Variants in GPR149 observed in about 807,000 individuals in gnomAD.
The protein encoded by GPR149 is G protein-coupled receptor 149.
Under a neutral mutation model 50.2 loss-of-function variants are expected in GPR149, and 50 were observed. That is an observed-to-expected ratio of 1.00 (90% CI 0.79 to 1.26). GPR149 has a LOEUF of 1.26. GPR149 is among the 50% of genes most tolerant of loss of function. The probability of loss-of-function intolerance (pLI) is 0.00; values close to 1 mark genes in which losing one functional copy is unlikely to be tolerated. For synonymous variants in GPR149, 405 were observed against 358.2 expected, an observed-to-expected ratio of 1.13 and a Z score of -1.48; for missense variants, 983 against 895.4, an observed-to-expected ratio of 1.10 and a Z score of -1.25.
intron 3 of GPR149, among the ~76,000 whole-genome samples, chr3:154,402,415 C>CAAATAAATAAATAAAT (rs34746134): frequency 0.088 from 12,426 of 140,726 alleles, 731 homozygotes; most frequent in South Asian, 0.18. Context: ...GACCCTGTCT[C>CAAATAAATAAATAAAT]AAATAAATAA....
At chr3:154,353,640 T>C in intron 3 of GPR149, 1 of 1,364,902 alleles carries the variant, frequency 7.3e-7, no homozygotes, top group South Asian at 1.2e-5. Flanking sequence ...AGTTTTATCT[T>C]TGAAGTCTTT....
intron 3 of GPR149, among the ~76,000 whole-genome samples, chr3:154,364,126 T>C (rs72998669): frequency 0.013 from 1,965 of 152,176 alleles, 44 homozygotes; most frequent in African/African-American, 0.045. Flanking sequence ...AGTGAAGAAG[T>C]GAAGCCACTG....
intron 3 of GPR149, among the ~76,000 whole-genome samples, chr3:154,413,860 T>A (rs1711910939): frequency 6.6e-6 from 1 of 151,670 alleles, no homozygotes; most frequent in Admixed American, 6.6e-5. Flanking sequence ...ACATGCATGT[T>A]TATCACAGCA....
chr3:154,340,731 T>C (rs1713771387), intron 3 of GPR149, among the ~76,000 whole-genome samples: 1 of 152,180 alleles, frequency 6.6e-6, no homozygotes, highest in Non-Finnish European at 1.5e-5. Context: ...GTTTTGTTTG[T>C]TTGTTTTTGA....
chr3:154,421,167 C>A lies in GPR149; in HGVS notation c.1495G>T (p.Asp499Tyr). The change falls in exon 3 of 4, where the codon GAT becomes TAT. Residue 499 changes from aspartate to tyrosine, a missense_variant. By Grantham distance (160) the Asp-to-Tyr change is radical (BLOSUM62 -3). Transcript: ENST00000389740. Reference sequence around the variant, plus strand: ...AAGGTAGTTTCTTCATAGTTAATATCACCTCCTGTTTTGTCAGAAAACGCA... The same window carrying A: ...AAGGTAGTTTCTTCATAGTTAATATAACCTCCTGTTTTGTCAGAAAACGCA... ...KDAFSDKTGGDINYEETTFSE... is the reference protein window; with the variant it reads ...KDAFSDKTGGYINYEETTFSE... The A allele has an allele frequency of 6.2e-7, 1 of 1,613,406 alleles. No homozygotes were observed. The highest frequency in any genetic ancestry group is 8.5e-7 in the Non-Finnish European group (1 of 1,179,512).
intron 3 of GPR149, among the ~76,000 whole-genome samples, chr3:154,415,137 GTA>G (rs1169505467): frequency 1.4e-5 from 2 of 138,358 alleles, no homozygotes; most frequent in African/African-American, 5.3e-5. Flanking sequence ...TTGAGTTCAA[GTA>G]GAGAGTAACC....
At chr3:154,343,014 T>C (rs1713836259) in intron 3 of GPR149, among the ~76,000 whole-genome samples, 1 of 152,242 alleles carries the variant, frequency 6.6e-6, no homozygotes, top group Non-Finnish European at 1.5e-5. Context: ...TAATAAATTG[T>C]GATACAGTTA....
rs59932456 is a variant in GPR149 at position 154,377,348 on chromosome 3, AATTATTATTATT to A, written c.1624-39089_1624-39078del. ...GCTAGAAGATCTTGATCTGCTCTGT[AATTATTATTATT>A]ATTATTATTATTATTATTATTATTA... On this transcript the variant is annotated intron_variant, in intron 3 of 3. Coordinates refer to ENST00000389740, the MANE Select transcript of GPR149 (RefSeq NM_001038705.3). 5.2e-4 allele frequency among the ~76,000 whole-genome samples: 72 copies of A among 139,244 alleles called. 2 individuals carry two copies. Among genetic ancestry groups the A allele is most frequent in the East Asian group, 1.7e-3 (8 of 4,760 alleles). 91.3% of individuals were successfully genotyped at this position (139,244 alleles called of 152,430 possible). A position where few individuals can be genotyped will look rare whatever the true frequency, so the allele number is the denominator to read the frequency against.
At chr3:154,416,047 C>G (rs1711978065) in intron 3 of GPR149, among the ~76,000 whole-genome samples, 1 of 151,660 alleles carries the variant, frequency 6.6e-6, no homozygotes, top group African/African-American at 2.4e-5. Context: ...TCATTTTAAG[C>G]TAATAATATA....
At chr3:154,365,317 T>C (rs1046756158) in intron 3 of GPR149, among the ~76,000 whole-genome samples, 3 of 152,104 alleles carry the variant, frequency 2.0e-5, no homozygotes, top group Non-Finnish European at 4.4e-5. Context: ...TGCCTTCAAG[T>C]CTCTGGTATT....
intron 3 of GPR149, 77 bp from the exon 4 acceptor site, chr3:154,338,348 T>A: frequency 8.5e-7 from 1 of 1,170,432 alleles, no homozygotes; most frequent in Non-Finnish European, 1.2e-6. Context: ...ATTTTGTTCA[T>A]CAGAATGATA....
chr3:154,366,638 G>T (rs1370543356), intron 3 of GPR149, among the ~76,000 whole-genome samples: 1 of 152,164 alleles, frequency 6.6e-6, no homozygotes, highest in Non-Finnish European at 1.5e-5. Flanking sequence ...CAGACTTTAA[G>T]TCTTTAGGTA....
At chr3:154,370,356 T>G (rs1400142389) in intron 3 of GPR149, among the ~76,000 whole-genome samples, 1 of 152,060 alleles carries the variant, frequency 6.6e-6, no homozygotes, top group Non-Finnish European at 1.5e-5. Flanking sequence ...GCTGCAGCCT[T>G]AGACATGGCC....
intron 3 of GPR149, among the ~76,000 whole-genome samples, chr3:154,392,265 G>A (rs1715188574): frequency 6.6e-6 from 1 of 151,676 alleles, no homozygotes; most frequent in African/African-American, 2.4e-5. Context: ...AAGAAAAACT[G>A]GAAAATTTGC....
intron 3 of GPR149, among the ~76,000 whole-genome samples, chr3:154,399,688 A>G (rs976725827): frequency 5.9e-5 from 9 of 152,184 alleles, no homozygotes; most frequent in South Asian, 2.1e-4. Context: ...AGTCATTTAA[A>G]ACTGTTAGAA....
chr3:154,353,934 G>C, intron 3 of GPR149: 1 of 510,200 alleles, frequency 2.0e-6, no homozygotes. Flanking sequence ...CTTTCTTTCT[G>C]TTCACATGTT....
chr3:154,395,694 G>T (rs535148420), intron 3 of GPR149, among the ~76,000 whole-genome samples: 8 of 152,172 alleles, frequency 5.3e-5, no homozygotes, highest in Admixed American at 5.2e-4. Context: ...TGCTCAGGAG[G>T]CTGAGGTAGG....
chr3:154,429,040 T>C lies in GPR149; in HGVS notation c.576A>G (p.Leu192=). 2 of 1,613,812 alleles carry C rather than the reference T, an allele frequency of 1.2e-6. No individual in the cohort carries two copies. Among genetic ancestry groups the C allele is most frequent in the Non-Finnish European group, 1.7e-6 (2 of 1,179,980 alleles). ...CCAAAGCGTACACGATAGAGAGGAA[T>C]AGTACGTAGGAGCTGGAGCAGTCCA... The part of the protein sequence containing the change: ...CLVDCSSSYV[L]FLSIVYALAF... Residue 192 remains leucine, a synonymous_variant, in exon 1 of 4, where the codon CTA becomes CTG. Coordinates refer to ENST00000389740, the MANE Select transcript of GPR149 (RefSeq NM_001038705.3).
chr3:154,408,778 C>T (rs1711760452), intron 3 of GPR149, among the ~76,000 whole-genome samples: 1 of 152,172 alleles, frequency 6.6e-6, no homozygotes, highest in African/African-American at 2.4e-5. Context: ...AAGCAATAAC[C>T]TCTTGGGAGC....
Sources: allele counts gnomAD v4.1 joint callset (sites outside exome capture counted in the v4.1 genomes callset), GRCh38; gene constraint gnomAD v4.1.1; transcripts MANE v1.5; gene names NCBI Gene and HGNC (gene_info 2026-07-23, HGNC 2026-07-21).